Variants in KIF26B observed in about 807,000 individuals in gnomAD.
KIF26B encodes kinesin family member 26B.
Under a neutral mutation model 151.2 loss-of-function variants are expected in KIF26B, and 63 were observed. The observed-to-expected ratio is 0.42, with a 90% confidence interval of 0.34 to 0.51. The LOEUF is 0.51. Among genes scored for constraint, KIF26B ranks in the 20% least tolerant of loss-of-function variants. The pLI is 0.07. For missense variants in KIF26B, 2,813 were observed against 2,913.6 expected, an observed-to-expected ratio of 0.97 and a Z score of 0.79; for synonymous variants, 1,357 against 1,262.1, an observed-to-expected ratio of 1.08 and a Z score of -1.59.
In KIF26B at chr1:245,688,578, C is replaced by T. The variant is rs1457400224; in HGVS notation, c.5595C>T (p.Ser1865=). 16 of 1,564,772 alleles carry T rather than the reference C, an allele frequency of 1.0e-5. No individual in the cohort carries two copies. The highest frequency in any genetic ancestry group is 3.5e-5 in the South Asian group (3 of 85,012). ...TPPRRPHRCS[S]GHGSDNSSVL... ...CGCGGAGGCCCCACCGCTGCAGCAG[C>T]GGCCACGGCAGCGACAACAGCAGCG... The change falls in exon 12 of 15, where the codon AGC becomes AGT. Residue 1865 remains serine, a synonymous_variant. Transcript: ENST00000407071.
chr1:245,464,370 TGG>T, intron 4 of KIF26B, among the ~76,000 whole-genome samples: 1 of 151,576 alleles, frequency 6.6e-6, no homozygotes, highest in African/African-American at 2.4e-5. Context: ...TGTGCGTGTG[TGG>T]GTGTGTGTAG....
chr1:245,673,019 C>T (rs1210621251), intron 10 of KIF26B, among the ~76,000 whole-genome samples: 1 of 152,186 alleles, frequency 6.6e-6, no homozygotes, highest in African/African-American at 2.4e-5. Context: ...CACCCAGTCC[C>T]CACGGCGCGC....
At chr1:245,508,881 G>A (rs1350988868) in intron 4 of KIF26B, among the ~76,000 whole-genome samples, 1 of 152,164 alleles carries the variant, frequency 6.6e-6, no homozygotes, top group Non-Finnish European at 1.5e-5. Context: ...CTCCTTGTTA[G>A]ATTAGCTCCT....
chr1:245,489,724 T>A (rs542649920), intron 4 of KIF26B, among the ~76,000 whole-genome samples: 10 of 152,326 alleles, frequency 6.6e-5, no homozygotes, highest in Admixed American at 5.2e-4. Flanking sequence ...CGTCATGGTA[T>A]CATGTGATGT....
At chr1:245,497,102 G>A (rs1308304731) in intron 4 of KIF26B, among the ~76,000 whole-genome samples, 1 of 149,016 alleles carries the variant, frequency 6.7e-6, no homozygotes, top group Non-Finnish European at 1.5e-5. Context: ...GCTGAGAGCC[G>A]AGATTGCACC....
At position 245,698,309 on chromosome 1, in the gene KIF26B, G is replaced by A. The variant is rs1276605192; in HGVS notation, c.6027+1G>A. 1 of 1,612,304 alleles carries A rather than the reference G, an allele frequency of 6.2e-7. No homozygotes were observed. Among genetic ancestry groups the A allele is most frequent in the East Asian group, 2.2e-5 (1 of 44,866 alleles). ...GCGGCGACGAGGGGGTGCCAGCAAG[G>A]TGAGGCAGCCTCCTTCCCACCCCCT... On this transcript the variant is annotated splice_donor_variant, in intron 13 of 14. Coordinates refer to ENST00000407071, the MANE Select transcript of KIF26B (RefSeq NM_018012.4). LOFTEE classifies it high-confidence loss of function. The surrounding 1 kb of genome is among the most constrained non-coding windows in gnomAD (Gnocchi z 4.0).
At chr1:245,691,294 C>T (rs913031608) in intron 12 of KIF26B, among the ~76,000 whole-genome samples, 1 of 152,230 alleles carries the variant, frequency 6.6e-6, no homozygotes, top group African/African-American at 2.4e-5. Context: ...TTGCTCTGGG[C>T]TAAGTGCTCT....
chr1:245,666,344 T>C (rs1229636531), intron 10 of KIF26B, among the ~76,000 whole-genome samples: 1 of 152,182 alleles, frequency 6.6e-6, no homozygotes, highest in East Asian at 1.9e-4. Context: ...CTCATTTTAA[T>C]AAGTCTTAGT....
At chr1:245,380,506 G>A (rs916593006) in intron 3 of KIF26B, among the ~76,000 whole-genome samples, 1 of 152,138 alleles carries the variant, frequency 6.6e-6, no homozygotes, top group Non-Finnish European at 1.5e-5. Context: ...TGTTCATGAC[G>A]TGCTCCCTTT....
At chr1:245,402,257 G>A (rs1210806419) in intron 3 of KIF26B, among the ~76,000 whole-genome samples, 1 of 152,192 alleles carries the variant, frequency 6.6e-6, no homozygotes, top group African/African-American at 2.4e-5. Context: ...AGGTTCAAGT[G>A]GCTTATTGTA....
chr1:245,397,153 G>C (rs1673867282), intron 3 of KIF26B, among the ~76,000 whole-genome samples: 1 of 150,404 alleles, frequency 6.6e-6, no homozygotes, highest in East Asian at 2.0e-4. Context: ...ACAGATAGGA[G>C]TTTTGCCACA....
At chr1:245,284,042 C>T (rs926312894) in intron 2 of KIF26B, among the ~76,000 whole-genome samples, 2 of 152,192 alleles carry the variant, frequency 1.3e-5, no homozygotes, top group Non-Finnish European at 2.9e-5. Flanking sequence ...TTCCCTCATC[C>T]CTCCTTTCCC....
intron 2 of KIF26B, among the ~76,000 whole-genome samples, chr1:245,243,277 G>A (rs1411046047): frequency 3.3e-5 from 5 of 151,980 alleles, no homozygotes; most frequent in Non-Finnish European, 5.9e-5. Context: ...TTGTTTTAAC[G>A]AGCATCTCCC....
At chr1:245,486,968 C>CA in intron 4 of KIF26B, among the ~76,000 whole-genome samples, 1 of 152,186 alleles carries the variant, frequency 6.6e-6, no homozygotes, top group Non-Finnish European at 1.5e-5. Context: ...CCTTCCTGTC[C>CA]ATAGAACTGT....
At chr1:245,690,742 G>GA (rs369137824) in intron 12 of KIF26B, among the ~76,000 whole-genome samples, 3 of 150,610 alleles carry the variant, frequency 2.0e-5, no homozygotes, top group African/African-American at 7.4e-5. Context: ...TATTTGCCTG[G>GA]GGGGGGGGTA....
chr1:245,527,524 C>CTTTTTTTTTTTTTTTTTTTTTTTTTTT lies in KIF26B; in HGVS notation c.1167-13242_1167-13216dup, dbSNP rs548422038. 3.5e-4 allele frequency among the ~76,000 whole-genome samples: 18 copies of CTTTTTTTTTTTTTTTTTTTTTTTTTTT among 50,722 alleles called. 7 individuals carry two copies. Among genetic ancestry groups the CTTTTTTTTTTTTTTTTTTTTTTTTTTT allele is most frequent in the African/African-American group, 1.2e-3 (12 of 10,212 alleles). The allele number at this position is 50,722 out of a possible 152,430, so 33.3% of individuals were successfully genotyped here. The stretch of plus-strand genomic sequence containing the variant: ...TCATTTATATCTGGCTTTGGGATGG[C>CTTTTTTTTTTTTTTTTTTTTTTTTTTT]TTTTTTTTTTTTTTTTTTTTTTTTT... On this transcript the variant is annotated intron_variant, in intron 4 of 14. Coordinates refer to ENST00000407071, the MANE Select transcript of KIF26B (RefSeq NM_018012.4).
intron 2 of KIF26B, among the ~76,000 whole-genome samples, chr1:245,249,932 A>G (rs937227065): frequency 6.6e-6 from 1 of 152,230 alleles, no homozygotes; most frequent in African/African-American, 2.4e-5. Context: ...ACCACGAGAC[A>G]GAAGAAATCC....
chr1:245,559,738 G>T (rs1329259810), intron 5 of KIF26B, among the ~76,000 whole-genome samples: 1 of 151,848 alleles, frequency 6.6e-6, no homozygotes, highest in East Asian at 1.9e-4. Flanking sequence ...GAGATGGGGG[G>T]TCTTACTATG....
chr1:245,528,958 A>G (rs1318488444), intron 4 of KIF26B, among the ~76,000 whole-genome samples: 1 of 152,170 alleles, frequency 6.6e-6, no homozygotes, highest in African/African-American at 2.4e-5. Flanking sequence ...CAATGAGACA[A>G]TCGATATGTT....
Sources: allele counts gnomAD v4.1 joint callset (sites outside exome capture counted in the v4.1 genomes callset), GRCh38; gene constraint gnomAD v4.1.1; non-coding constraint Gnocchi (gnomAD v3.1); transcripts MANE v1.5; gene names NCBI Gene and HGNC (gene_info 2026-07-23, HGNC 2026-07-21).